SORCS3: variants seen among roughly 807,000 people sequenced by gnomAD.
The protein encoded by SORCS3 is VPS10 domain-containing receptor SorCS3.
In SORCS3, 57 loss-of-function variants were observed where a neutral mutation model predicts 146.3. That is an observed-to-expected ratio of 0.39 (90% CI 0.31 to 0.49). The LOEUF (loss-of-function observed/expected upper bound fraction) is 0.49, where lower values mean the gene tolerates loss of function less well. Among genes scored for constraint, SORCS3 ranks in the 20% least tolerant of loss-of-function variants. SORCS3 has a pLI of 0.92. For missense variants in SORCS3, 1,341 were observed against 1,575.5 expected, an observed-to-expected ratio of 0.85 and a Z score of 2.52; for synonymous variants, 653 against 618.5, an observed-to-expected ratio of 1.06 and a Z score of -0.83.
chr10:105,159,112 C>T (rs2056239361), intron 11 of SORCS3, 118 bp downstream of exon 11: 2 of 659,024 alleles, frequency 3.0e-6, no homozygotes, highest in African/African-American at 1.8e-5. Context: ...GCACTCGCCC[C>T]AGAAAATATG....
chr10:105,170,928 T>G (rs2056354162), intron 13 of SORCS3, among the ~76,000 whole-genome samples: 1 of 152,156 alleles, frequency 6.6e-6, no homozygotes, highest in Non-Finnish European at 1.5e-5. Flanking sequence ...TCTAATTAAG[T>G]GACAACCCTC....
chr10:105,200,847 C>T (rs2056570266), intron 15 of SORCS3, among the ~76,000 whole-genome samples: 1 of 152,148 alleles, frequency 6.6e-6, no homozygotes, highest in African/African-American at 2.4e-5. Context: ...CTTACATTCT[C>T]TATGGAGGTG....
In SORCS3 at chr10:104,881,780, C is replaced by T. The variant is rs553193806; in HGVS notation, c.696-34053C>T. Among the ~76,000 whole-genome samples, 181 of 152,306 alleles carry T rather than the reference C, an allele frequency of 1.2e-3. 1 individual carries two copies. The highest frequency in any genetic ancestry group is 3.9e-3 in the African/African-American group (163 of 41,582). On this transcript the variant is annotated intron_variant, in intron 2 of 26. Coordinates refer to ENST00000369701, the MANE Select transcript of SORCS3 (RefSeq NM_014978.3). ...AAAAAGACTATGAAATGAGGTGTAA[C>T]ATCAGACTGCGATGCTAGCACCAGC...
At chr10:105,252,977 C>T in intron 23 of SORCS3, 71 bp downstream of exon 23, 2 of 1,550,708 alleles carry the variant, frequency 1.3e-6, no homozygotes, top group Non-Finnish European at 1.7e-6. Flanking sequence ...AAGCTGTTTT[C>T]AGCCAGAAAG....
chr10:104,686,652 C>T (rs1446497577), intron 1 of SORCS3, among the ~76,000 whole-genome samples: 2 of 152,092 alleles, frequency 1.3e-5, no homozygotes, highest in Non-Finnish European at 2.9e-5. Context: ...TGTTCTTTCT[C>T]CTTATGCATT....
Position 104,842,799 on chromosome 10 carries a change from T to G in SORCS3, c.635T>G (p.Leu212Arg), listed in dbSNP as rs1408037217. The part of the protein sequence containing the change: ...HWSGHNSSVI[L>R]ILTKLYDFNL... ...ATCCCCAACCCCTTGCAGGTCATAC[T>G]TATCCTGACGAAGCTGTATGACTTC... The change falls in exon 2 of 27, where the codon CTT (leucine) becomes CGT (arginine). Residue 212 changes from leucine (L) to arginine (R), a missense_variant. By Grantham distance (102) the Leu-to-Arg change is moderately radical (BLOSUM62 -2). Coordinates refer to ENST00000369701, the MANE Select transcript of SORCS3 (RefSeq NM_014978.3). 6.2e-7 allele frequency: 1 copy of G among 1,613,808 alleles called. No homozygotes were observed. Among genetic ancestry groups the G allele is most frequent in the Admixed American group, 1.7e-5 (1 of 60,022 alleles).
At chr10:105,157,419 G>A (rs2056220718) in intron 10 of SORCS3, 135 bp downstream of exon 10, 2 of 1,024,620 alleles carry the variant, frequency 2.0e-6, no homozygotes, top group African/African-American at 3.2e-5. Context: ...AACTTGCAGG[G>A]CATTGGTGTG....
At chr10:104,999,989 A>T (rs562008999) in intron 4 of SORCS3, among the ~76,000 whole-genome samples, 11 of 152,208 alleles carry the variant, frequency 7.2e-5, no homozygotes, top group African/African-American at 2.6e-4. Context: ...ATAATGAACA[A>T]TTCAGTATGG....
chr10:104,675,416 T>G (rs1289747526), intron 1 of SORCS3, among the ~76,000 whole-genome samples: 4 of 152,192 alleles, frequency 2.6e-5, no homozygotes, highest in Non-Finnish European at 5.9e-5. Context: ...GAAATACAAT[T>G]GAGTGTTTTT....
chr10:104,718,772 C>T (rs1017074759), intron 1 of SORCS3, among the ~76,000 whole-genome samples: 3 of 151,986 alleles, frequency 2.0e-5, no homozygotes, highest in Admixed American at 6.6e-5. Context: ...AAAGTAGGCC[C>T]GAGGAACTGG....
intron 20 of SORCS3, among the ~76,000 whole-genome samples, chr10:105,240,285 A>T (rs1002205476): frequency 1.3e-5 from 2 of 152,236 alleles, no homozygotes; most frequent in Admixed American, 6.5e-5. Flanking sequence ...AGAGAGGGCC[A>T]TGTATGCTAC....
At chr10:105,119,989 G>A (rs1443579907) in intron 7 of SORCS3, among the ~76,000 whole-genome samples, 1 of 152,100 alleles carries the variant, frequency 6.6e-6, no homozygotes, top group Non-Finnish European at 1.5e-5. Context: ...TTTGGGAGGG[G>A]CCAGGGGCAG....
chr10:105,215,593 T>C (rs771126414), intron 18 of SORCS3, among the ~76,000 whole-genome samples: 1 of 152,204 alleles, frequency 6.6e-6, no homozygotes, highest in African/African-American at 2.4e-5. Context: ...CTAGGGAGTT[T>C]CCAGGACCAC....
intron 16 of SORCS3, 116 bp from the exon 17 acceptor site, chr10:105,211,021 A>C: frequency 1.6e-6 from 1 of 642,952 alleles, no homozygotes. Flanking sequence ...GATATTTAAA[A>C]CAATGTGTTA....
chr10:104,692,746 A>T (rs1221384309), intron 1 of SORCS3, among the ~76,000 whole-genome samples: 6 of 152,330 alleles, frequency 3.9e-5, no homozygotes. Context: ...GTTCAGAAAC[A>T]ATTCATGGTA....
intron 4 of SORCS3, among the ~76,000 whole-genome samples, chr10:104,977,750 T>TG (rs397759042): frequency 7.0e-6 from 1 of 142,610 alleles, no homozygotes; most frequent in Non-Finnish European, 1.5e-5. Context: ...TTTTTTTTTT[T>TG]GACACAGAGT....
At chr10:104,956,564 C>T (rs1173300830) in intron 3 of SORCS3, among the ~76,000 whole-genome samples, 1 of 152,070 alleles carries the variant, frequency 6.6e-6, no homozygotes, top group Non-Finnish European at 1.5e-5. Context: ...TCATCATCTC[C>T]TCTCAACCCA....
intron 4 of SORCS3, among the ~76,000 whole-genome samples, chr10:105,003,883 G>T (rs908928994): frequency 6.6e-6 from 1 of 152,064 alleles, no homozygotes; most frequent in Non-Finnish European, 1.5e-5. Context: ...CTTCTTGTGG[G>T]CACTTCATTT....
chr10:105,009,557 A>G (rs2055120061), intron 4 of SORCS3, among the ~76,000 whole-genome samples: 1 of 151,502 alleles, frequency 6.6e-6, no homozygotes, highest in African/African-American at 2.4e-5. Context: ...AAAAACCCCA[A>G]AAACTGTAGT....
Sources: gnomAD v4.1 joint callset for allele counts (sites outside exome capture counted in the v4.1 genomes callset) on GRCh38, gnomAD v4.1.1 for gene constraint, MANE v1.5 for transcripts, NCBI Gene and HGNC (gene_info 2026-07-23, HGNC 2026-07-21) for gene names.